The following AHI1 variants were observed in gnomAD, a reference collection of about 807,000 sequenced individuals.
The protein encoded by AHI1 is jouberin.
Under a neutral mutation model 149.3 loss-of-function variants are expected in AHI1, and 123 were observed. The ratio of observed to expected loss-of-function variants is 0.82; its 90% CI spans 0.71 to 0.96. The LOEUF is 0.96. AHI1 is among the 40% of genes least tolerant of loss of function. AHI1 has a pLI of 0.00. For missense variants in AHI1, 1,439 were observed against 1,422.7 expected (o/e 1.01, Z -0.18); for synonymous variants, 475 against 459.8 (o/e 1.03, Z -0.42).
intron 26 of AHI1, chr6:135,301,190 T>C (rs992127656): frequency 2.0e-6 from 2 of 982,720 alleles, no homozygotes; most frequent in East Asian, 1.1e-4. Flanking sequence ...ATATAATCTA[T>C]AAATCAACCT....
chr6:135,438,333 C>T lies in AHI1; in HGVS notation c.2036+42G>A, dbSNP rs574741172. The T allele has an allele frequency of 5.4e-6, 8 of 1,493,898 alleles. No individual in the cohort carries two copies. In the East Asian group the frequency reaches 1.4e-4, roughly 27 times the overall value. The allele number at this position is 1,493,898 out of a possible 1,614,324, so 92.5% of individuals were successfully genotyped here. A position where few individuals can be genotyped will look rare whatever the true frequency, so the allele number is the denominator to read the frequency against. ...TTTATATTCTCTTTGCTTTCCTTGA[C>T]AGCAAACAGCATGCACATAAGTACT... is the stretch of plus-strand genomic sequence containing the variant. On this transcript the variant is annotated intron_variant, in intron 15 of 28. Transcript: ENST00000265602.
rs537832446 is a variant in AHI1 at position 135,351,068 on chromosome 6, C to T, written c.3165+7064G>A. 6.0e-5 allele frequency among the ~76,000 whole-genome samples: 9 copies of T among 151,006 alleles called. No homozygotes were observed. In the South Asian group the frequency reaches 8.4e-4, roughly 14 times the overall value. The stretch of plus-strand genomic sequence containing the variant: ...CTATTGTCCTGGCATAACTGAACTT[C>T]TGCATTGATTTCAGGGAAGAGTCAC... On this transcript the variant is annotated intron_variant, in intron 24 of 28. Coordinates refer to ENST00000265602, the MANE Select transcript of AHI1 (RefSeq NM_001134831.2).
At chr6:135,467,348 T>C (rs1790934622) in intron 6 of AHI1, among the ~76,000 whole-genome samples, 1 of 152,198 alleles carries the variant, frequency 6.6e-6, no homozygotes, top group Admixed American at 6.5e-5. Flanking sequence ...ACATATCATA[T>C]GTAAGTATTT....
intron 24 of AHI1, among the ~76,000 whole-genome samples, chr6:135,355,831 G>A (rs1156957631): frequency 3.9e-5 from 6 of 152,188 alleles, no homozygotes; most frequent in East Asian, 1.9e-4. Flanking sequence ...CCCGGGAGAC[G>A]GACATTGCAG....
chr6:135,460,715 G>C (rs1303391084), intron 8 of AHI1, among the ~76,000 whole-genome samples: 1 of 152,178 alleles, frequency 6.6e-6, no homozygotes, highest in South Asian at 2.1e-4. Context: ...AGACATGGTA[G>C]TGTTGGTACA....
At chr6:135,475,623 T>C (rs556215056) in intron 5 of AHI1, among the ~76,000 whole-genome samples, 1 of 152,274 alleles carries the variant, frequency 6.6e-6, no homozygotes, top group South Asian at 2.1e-4. Context: ...ACCATGAACA[T>C]CAAGGCTTGG....
intron 24 of AHI1, among the ~76,000 whole-genome samples, chr6:135,341,788 T>G (rs1281078434): frequency 6.6e-6 from 1 of 151,666 alleles, no homozygotes; most frequent in Non-Finnish European, 1.5e-5. Context: ...ACGATACCAA[T>G]ATGTATGGGG....
intron 5 of AHI1, among the ~76,000 whole-genome samples, chr6:135,488,751 T>C (rs1307283245): frequency 6.6e-6 from 1 of 152,164 alleles, no homozygotes; most frequent in Non-Finnish European, 1.5e-5. Context: ...ACTGCTCCAT[T>C]TCTCATCTCA....
chr6:135,311,900 G>A (rs1324980769), intron 26 of AHI1, among the ~76,000 whole-genome samples: 4 of 152,036 alleles, frequency 2.6e-5, no homozygotes, highest in East Asian at 3.9e-4. Flanking sequence ...AACTCATCTC[G>A]TCCCCTCCTC....
intron 21 of AHI1, among the ~76,000 whole-genome samples, chr6:135,408,488 C>A (rs1265998069): frequency 6.6e-6 from 1 of 151,836 alleles, no homozygotes; most frequent in African/African-American, 2.4e-5. Flanking sequence ...TAAAAGTTAA[C>A]TAAGAAATAT....
intron 24 of AHI1, among the ~76,000 whole-genome samples, chr6:135,325,216 G>A (rs907468454): frequency 3.3e-5 from 5 of 152,006 alleles, no homozygotes; most frequent in Non-Finnish European, 5.9e-5. Flanking sequence ...TAGTAGAGAC[G>A]GGGTTTCTCC....
At chr6:135,390,424 G>A (rs560861333) in intron 23 of AHI1, among the ~76,000 whole-genome samples, 1 of 152,074 alleles carries the variant, frequency 6.6e-6, no homozygotes, top group Admixed American at 6.5e-5. Context: ...TTATTACTTT[G>A]CAATATATCT....
chr6:135,442,604 GC>G lies in AHI1; in HGVS notation c.1889del (p.Ser630ThrfsTer18), dbSNP rs1786487832. On this transcript the variant is annotated frameshift_variant, in exon 14 of 29. Coordinates refer to ENST00000265602, the MANE Select transcript of AHI1 (RefSeq NM_001134831.2). LOFTEE classifies it high-confidence loss of function. The stretch of plus-strand genomic sequence containing the variant: ...CACAAATAATTGGATATCCATCCCG[GC>G]TGGCACAAGCTGCTGCTAATATTCT... ...NGRILAAACA[S>X]RDGYPIILYE... The G allele has an allele frequency of 1.9e-6, 3 of 1,608,928 alleles. No homozygotes were observed. The highest frequency in any genetic ancestry group is 2.5e-6 in the Non-Finnish European group (3 of 1,177,340).
chr6:135,418,703 A>G (rs146246512), intron 20 of AHI1, among the ~76,000 whole-genome samples: 1 of 152,202 alleles, frequency 6.6e-6, no homozygotes, highest in East Asian at 1.9e-4. Context: ...CATTATATTA[A>G]CAATAAGGTT....
chr6:135,351,144 C>CAAAAAAAAAAAAAAAA (rs112077817), intron 24 of AHI1, among the ~76,000 whole-genome samples: 1 of 116,284 alleles, frequency 8.6e-6, no homozygotes, highest in Non-Finnish European at 1.7e-5. Flanking sequence ...ACAAAAAAAA[C>CAAAAAAAAAAAAAAAA]AAAAAAAAAA....
At chr6:135,383,356 T>C (rs917552181) in intron 23 of AHI1, among the ~76,000 whole-genome samples, 1 of 151,152 alleles carries the variant, frequency 6.6e-6, no homozygotes, top group Non-Finnish European at 1.5e-5. Context: ...CTCAGCCTTC[T>C]GAGTAGGTGG....
chr6:135,484,483 T>C (rs1244254574), intron 5 of AHI1, among the ~76,000 whole-genome samples: 2 of 152,182 alleles, frequency 1.3e-5, no homozygotes, highest in Non-Finnish European at 2.9e-5. Flanking sequence ...TGGTTTTATT[T>C]TTTCATTCCT....
At chr6:135,410,932 T>C (rs1781492713) in intron 21 of AHI1, among the ~76,000 whole-genome samples, 1 of 152,204 alleles carries the variant, frequency 6.6e-6, no homozygotes, top group East Asian at 1.9e-4. Context: ...AACCTCTGCC[T>C]GTCTGGTTCA....
Position 135,349,948 on chromosome 6 carries a change from T to G in AHI1, c.3165+8184A>C, listed in dbSNP as rs928293160. 2.4e-4 allele frequency among the ~76,000 whole-genome samples: 36 copies of G among 152,256 alleles called. 1 individual carries two copies. Among genetic ancestry groups the G allele is most frequent in the African/African-American group, 7.5e-4 (31 of 41,470 alleles). Reference sequence around the variant, plus strand: ...CATCTTTCTCCTGCCTCATTCATATTGCTGGATCTTTCCTTCCATCTGAGA... The same window carrying G: ...CATCTTTCTCCTGCCTCATTCATATGGCTGGATCTTTCCTTCCATCTGAGA... On this transcript the variant is annotated intron_variant, in intron 24 of 28. Coordinates refer to ENST00000265602, the MANE Select transcript of AHI1 (RefSeq NM_001134831.2).
Sources: gnomAD v4.1 joint callset for allele counts (sites outside exome capture counted in the v4.1 genomes callset) on GRCh38, gnomAD v4.1.1 for gene constraint, MANE v1.5 for transcripts, NCBI Gene and HGNC (gene_info 2026-07-23, HGNC 2026-07-21) for gene names.